HHAT: variants seen among roughly 807,000 people sequenced by gnomAD.
HHAT encodes the protein hedgehog acyltransferase.
HHAT carries 47 observed loss-of-function variants against 70.8 expected under a neutral mutation model. That is an observed-to-expected ratio of 0.66 (90% CI 0.53 to 0.85). HHAT has a LOEUF of 0.85. Ranked by LOEUF, HHAT falls within the 40% of genes least tolerant of loss-of-function variation. The pLI is 0.00. For synonymous variants in HHAT, 228 were observed against 247.6 expected (o/e 0.92, Z 0.74); for missense variants, 609 against 604.8 (o/e 1.01, Z -0.07).
At position 210,588,066 on chromosome 1, in the gene HHAT, G is replaced by A. The variant is rs1660872499; in HGVS notation, c.1212G>A (p.Arg404=). 1.9e-6 allele frequency: 3 copies of A among 1,611,694 alleles called. No homozygotes were observed. The highest frequency in any genetic ancestry group is 2.2e-5 in the South Asian group (2 of 90,808). The change falls in exon 10 of 12, where the codon AGG becomes AGA. Residue 404 remains arginine (R), a synonymous_variant. Transcript: ENST00000261458. ...TCACTGTGGAGAATGGAGTCCGGAG[G>A]CTGGTGGAGACTCCCTGCATCCAGG... ...LGVTVENGVR[R]LVETPCIQDS...
chr1:210,400,613 C>G lies in HHAT; in HGVS notation c.419C>G (p.Ser140Cys), dbSNP rs760308081. ...TCTCAGCTCCTGACGTGGCTCTGTT[C>G]TCTCCTCCTCCTCTCCACACTGAGG... ...FRSQLLTWLCSLLLLSTLRLQ... is the reference protein window; with the variant it reads ...FRSQLLTWLCCLLLLSTLRLQ... The change falls in exon 5 of 12, where the codon TCT becomes TGT. Residue 140 changes from serine to cysteine, a missense_variant. Transcript: ENST00000261458. 1.2e-6 allele frequency: 2 copies of G among 1,614,084 alleles called. No homozygotes were observed. Among genetic ancestry groups the G allele is most frequent in the South Asian group, 2.2e-5 (2 of 91,072 alleles).
At chr1:210,450,302 G>GC (rs538866148) in intron 7 of HHAT, among the ~76,000 whole-genome samples, 2 of 149,276 alleles carry the variant, frequency 1.3e-5, no homozygotes, top group Non-Finnish European at 3.0e-5. Flanking sequence ...GGTGGGGGGG[G>GC]TGGGAAACAG....
chr1:210,330,487 G>A (rs994988959), intron 1 of HHAT, among the ~76,000 whole-genome samples: 6 of 152,162 alleles, frequency 3.9e-5, no homozygotes, highest in African/African-American at 1.4e-4. Context: ...TTGGATCAAC[G>A]CCTGTGCTTT....
chr1:210,522,431 C>G (rs967573283), intron 9 of HHAT, among the ~76,000 whole-genome samples: 3 of 152,080 alleles, frequency 2.0e-5, no homozygotes, highest in African/African-American at 7.2e-5. Flanking sequence ...GTGAAGAGAC[C>G]CGGGTAACCA....
chr1:210,419,161 A>T (rs1176101482), intron 7 of HHAT, among the ~76,000 whole-genome samples: 1 of 152,072 alleles, frequency 6.6e-6, no homozygotes, highest in Non-Finnish European at 1.5e-5. Context: ...AAATAGGGAG[A>T]CTTAGCTTTG....
intron 7 of HHAT, among the ~76,000 whole-genome samples, chr1:210,454,763 A>G (rs895387685): frequency 2.0e-5 from 3 of 152,228 alleles, no homozygotes; most frequent in African/African-American, 7.2e-5. Flanking sequence ...CCAGCAACAC[A>G]TCTTTCCTTT....
At chr1:210,544,367 G>GTTTTTTTTTTTT (rs569514246) in intron 9 of HHAT, among the ~76,000 whole-genome samples, 4 of 90,066 alleles carry the variant, frequency 4.4e-5, no homozygotes, top group Non-Finnish European at 6.4e-5. Context: ...TCTTTCTTTC[G>GTTTTTTTTTTTT]TTTTTTTTTT....
intron 8 of HHAT, among the ~76,000 whole-genome samples, chr1:210,506,738 T>A (rs1207047297): frequency 6.6e-6 from 1 of 152,244 alleles, no homozygotes; most frequent in Non-Finnish European, 1.5e-5. Flanking sequence ...AACTACTTTT[T>A]AGCCTCTTCT....
At chr1:210,611,887 G>A (rs1368054108) in intron 10 of HHAT, among the ~76,000 whole-genome samples, 1 of 152,108 alleles carries the variant, frequency 6.6e-6, no homozygotes, top group Non-Finnish European at 1.5e-5. Context: ...GCTTTTTGAC[G>A]TGCTGCTGGA....
chr1:210,354,801 C>T (rs1379969130), intron 2 of HHAT, among the ~76,000 whole-genome samples: 23 of 152,052 alleles, frequency 1.5e-4, no homozygotes, highest in Non-Finnish European at 1.5e-4. Context: ...TCTTTGTTTT[C>T]AGATCTTTCT....
intron 10 of HHAT, among the ~76,000 whole-genome samples, chr1:210,599,401 C>T (rs749469545): frequency 9.2e-5 from 14 of 152,104 alleles, no homozygotes; most frequent in Non-Finnish European, 1.6e-4. Context: ...GGCTGCTGAA[C>T]CTCTTGACTT....
intron 7 of HHAT, among the ~76,000 whole-genome samples, chr1:210,460,337 A>G (rs11119503): frequency 0.077 from 11,774 of 152,190 alleles, 492 homozygotes; most frequent in South Asian, 0.12. Flanking sequence ...AAGTTAATAT[A>G]AAGTTTATTT....
intron 3 of HHAT, among the ~76,000 whole-genome samples, chr1:210,367,838 C>T (rs2089151211): frequency 6.6e-6 from 1 of 152,108 alleles, no homozygotes; most frequent in Non-Finnish European, 1.5e-5. Flanking sequence ...GTTCAGACTC[C>T]ATATGCTTTG....
At chr1:210,665,018 C>T (rs1678596448) in intron 11 of HHAT, among the ~76,000 whole-genome samples, 1 of 152,172 alleles carries the variant, frequency 6.6e-6, no homozygotes, top group Non-Finnish European at 1.5e-5. Flanking sequence ...ATTCTACTTC[C>T]CCATTGGATA....
intron 9 of HHAT, among the ~76,000 whole-genome samples, chr1:210,556,520 G>T (rs548729237): frequency 2.0e-5 from 3 of 152,292 alleles, no homozygotes; most frequent in African/African-American, 2.4e-5. Flanking sequence ...CTGCCAACCT[G>T]TACTGCCTCC....
chr1:210,339,147 CA>C (rs2085774663), intron 1 of HHAT, among the ~76,000 whole-genome samples: 1 of 152,076 alleles, frequency 6.6e-6, no homozygotes, highest in Non-Finnish European at 1.5e-5. Flanking sequence ...AAGGAATTCC[CA>C]AACTGGCTGG....
At chr1:210,464,012 G>A (rs1011696451) in intron 7 of HHAT, among the ~76,000 whole-genome samples, 3 of 152,152 alleles carry the variant, frequency 2.0e-5, no homozygotes, top group African/African-American at 7.2e-5. Context: ...GGTAAATAGG[G>A]TATCTGATAC....
chr1:210,522,524 C>A (rs1471861721), intron 9 of HHAT, among the ~76,000 whole-genome samples: 1 of 152,180 alleles, frequency 6.6e-6, no homozygotes, highest in African/African-American at 2.4e-5. Context: ...GGCTGGGTCC[C>A]CCCTTCCATC....
chr1:210,671,603 G>C (rs1473343868), intron 11 of HHAT, among the ~76,000 whole-genome samples: 1 of 152,220 alleles, frequency 6.6e-6, no homozygotes, highest in Non-Finnish European at 1.5e-5. Context: ...AGAGGACAGA[G>C]GGAAGAAGGC....
Sources: allele counts gnomAD v4.1 joint callset (sites outside exome capture counted in the v4.1 genomes callset), GRCh38; gene constraint gnomAD v4.1.1; transcripts MANE v1.5; gene names NCBI Gene and HGNC (gene_info 2026-07-23, HGNC 2026-07-21).